The following BMERB1 variants were observed in gnomAD, a reference collection of about 807,000 sequenced individuals.
BMERB1 encodes the protein bMERB domain-containing protein 1.
Under a neutral mutation model 23.6 loss-of-function variants are expected in BMERB1, and 12 were observed. The ratio of observed to expected loss-of-function variants is 0.51; its 90% CI spans 0.33 to 0.82. The LOEUF is 0.82. Ranked by LOEUF, BMERB1 falls within the 40% of genes least tolerant of loss-of-function variation. The probability of loss-of-function intolerance (pLI) is 0.03; values close to 1 mark genes in which losing one functional copy is unlikely to be tolerated. For synonymous variants in BMERB1, 122 were observed against 96.6 expected, an observed-to-expected ratio of 1.26 and a Z score of -1.54; for missense variants, 247 against 255.4, an observed-to-expected ratio of 0.97 and a Z score of 0.22.
chr16:15,586,622 T>C (rs908508062), intron 5 of BMERB1, 95 bp from the exon 6 acceptor site: 1 of 1,011,938 alleles, frequency 9.9e-7, no homozygotes, highest in Non-Finnish European at 1.5e-6. Context: ...GGGGTTGCAG[T>C]GGGGCTGGGC....
At chr16:15,561,494 C>T (rs2030420721) in intron 2 of BMERB1, among the ~76,000 whole-genome samples, 1 of 151,874 alleles carries the variant, frequency 6.6e-6, no homozygotes, top group African/African-American at 2.4e-5. Context: ...GTCTTGAACT[C>T]CTGACTTCAA....
intron 1 of BMERB1, among the ~76,000 whole-genome samples, chr16:15,435,254 C>T (rs926973076): frequency 6.6e-6 from 1 of 152,208 alleles, no homozygotes; most frequent in Non-Finnish European, 1.5e-5. Context: ...AGCTTTTCCT[C>T]CCTCGCCTTC....
intron 1 of BMERB1, among the ~76,000 whole-genome samples, chr16:15,492,140 C>T (rs1258366368): frequency 1.3e-5 from 2 of 152,214 alleles, no homozygotes; most frequent in Non-Finnish European, 2.9e-5. Context: ...GAGTAAAAAT[C>T]AGTGCCTATG....
intron 2 of BMERB1, among the ~76,000 whole-genome samples, chr16:15,536,219 C>T (rs945631797): frequency 6.6e-6 from 1 of 152,100 alleles, no homozygotes; most frequent in Non-Finnish European, 1.5e-5. Flanking sequence ...ACAGAGGGGC[C>T]ACAGAGGTTC....
In BMERB1 at chr16:15,440,731, C is replaced by A. The variant is rs567386385; in HGVS notation, c.106+5972C>A. On this transcript the variant is annotated intron_variant, in intron 1 of 5. Transcript: ENST00000300006. ...ATAGGTACTGAGTGCCTTACAAGTGCCAGGAAGTGTTCTAGGGGCTGCAGG... is the reference window on the plus strand; with the variant it reads ...ATAGGTACTGAGTGCCTTACAAGTGACAGGAAGTGTTCTAGGGGCTGCAGG... Among the ~76,000 whole-genome samples the A allele has an allele frequency of 4.6e-5, 7 of 152,256 alleles. No individual in the cohort carries two copies. In the South Asian group the frequency reaches 1.5e-3, roughly 32 times the overall value.
rs1269046501 is a variant in BMERB1, at chr16:15,482,249, A to T, written c.107-33056A>T. On this transcript the variant is annotated intron_variant, in intron 1 of 5. Coordinates refer to ENST00000300006, the MANE Select transcript of BMERB1 (RefSeq NM_033201.3). ...TAATCATAGGGATCCCCAGGGGTGT[A>T]GATGATGTTAAGGCAACATCTTCTC... 2.6e-5 allele frequency among the ~76,000 whole-genome samples: 4 copies of T among 152,188 alleles called. No individual in the cohort carries two copies. The South Asian group carries it at 6.2e-4, about 24-fold the overall frequency.
intron 2 of BMERB1, among the ~76,000 whole-genome samples, chr16:15,538,169 T>A (rs2052043448): frequency 6.6e-6 from 1 of 152,168 alleles, no homozygotes; most frequent in South Asian, 2.1e-4. Flanking sequence ...AGCCCTTAGA[T>A]GGGCCGGATG....
chr16:15,533,828 A>G (rs191376135), intron 2 of BMERB1, among the ~76,000 whole-genome samples: 30 of 152,288 alleles, frequency 2.0e-4, no homozygotes, highest in African/African-American at 7.2e-4. Context: ...TGAACTGGGT[A>G]GTCCATAAGA....
At chr16:15,584,301 T>C in intron 5 of BMERB1, 1 of 386,410 alleles carries the variant, frequency 2.6e-6, no homozygotes. Flanking sequence ...GGCTCACGCC[T>C]GTAATGCCAG....
chr16:15,539,890 A>C (rs997148095), intron 2 of BMERB1, among the ~76,000 whole-genome samples: 2 of 152,056 alleles, frequency 1.3e-5, no homozygotes, highest in Admixed American at 1.3e-4. Flanking sequence ...GGCAAGGCCT[A>C]GTGGCTCATG....
intron 1 of BMERB1, among the ~76,000 whole-genome samples, chr16:15,450,925 G>T (rs930563044): frequency 1.3e-5 from 2 of 152,130 alleles, no homozygotes; most frequent in Non-Finnish European, 2.9e-5. Context: ...GAGGTTCCAC[G>T]TTCCATCATA....
chr16:15,565,044 C>A (rs370626896), intron 2 of BMERB1, among the ~76,000 whole-genome samples: 6 of 151,360 alleles, frequency 4.0e-5, no homozygotes, highest in African/African-American at 1.5e-4. Flanking sequence ...GTTTTATATT[C>A]CTTTATGCAA....
intron 1 of BMERB1, among the ~76,000 whole-genome samples, chr16:15,514,205 C>A (rs999478322): frequency 1.3e-5 from 2 of 152,022 alleles, no homozygotes; most frequent in Non-Finnish European, 2.9e-5. Flanking sequence ...GGGTTCGAGG[C>A]GGCAGTGAGC....
At chr16:15,438,352 G>A (rs905941507) in intron 1 of BMERB1, among the ~76,000 whole-genome samples, 1 of 151,964 alleles carries the variant, frequency 6.6e-6, no homozygotes, top group Admixed American at 6.6e-5. Flanking sequence ...CTTCCAAAGT[G>A]CTGGGATTAC....
At chr16:15,485,226 C>A (rs1440358490) in intron 1 of BMERB1, among the ~76,000 whole-genome samples, 1 of 152,056 alleles carries the variant, frequency 6.6e-6, no homozygotes, top group Non-Finnish European at 1.5e-5. Flanking sequence ...GGTTCTGGGT[C>A]GTATGTTCAT....
intron 1 of BMERB1, among the ~76,000 whole-genome samples, chr16:15,491,981 C>A (rs1316547364): frequency 6.6e-6 from 1 of 152,164 alleles, no homozygotes; most frequent in African/African-American, 2.4e-5. Context: ...GCATGCCTAG[C>A]TCCTAGAATA....
intron 2 of BMERB1, among the ~76,000 whole-genome samples, chr16:15,517,913 GTGTGTGTGAGGA>G (rs903405771): frequency 2.0e-5 from 3 of 148,158 alleles, no homozygotes; most frequent in African/African-American, 7.5e-5. Context: ...GTGTGTGTAT[GTGTGTGTGAGGA>G]TGTGTGTGTG....
At chr16:15,444,057 A>C (rs2050964660) in intron 1 of BMERB1, among the ~76,000 whole-genome samples, 1 of 146,134 alleles carries the variant, frequency 6.8e-6, no homozygotes, top group African/African-American at 2.5e-5. Context: ...AGGGGATTTC[A>C]GGTAAGCTGT....
chr16:15,583,387 G>A, intron 5 of BMERB1, 149 bp downstream of exon 5: 2 of 656,456 alleles, frequency 3.0e-6, no homozygotes, highest in Non-Finnish European at 5.4e-6. Context: ...AGACCAGCCT[G>A]GTCAACATGG....
Sources: allele counts gnomAD v4.1 joint callset (sites outside exome capture counted in the v4.1 genomes callset), GRCh38; gene constraint gnomAD v4.1.1; transcripts MANE v1.5; gene names NCBI Gene and HGNC (gene_info 2026-07-23, HGNC 2026-07-21).